NUP210: variants seen among roughly 807,000 people sequenced by gnomAD.
NUP210 encodes the protein nuclear pore membrane glycoprotein 210.
NUP210 carries 151 observed loss-of-function variants against 196.0 expected under a neutral mutation model. The ratio of observed to expected loss-of-function variants is 0.77; its 90% confidence interval spans 0.67 to 0.88. The LOEUF (loss-of-function observed/expected upper bound fraction) is 0.88, where lower values mean the gene tolerates loss of function less well. Among genes scored for constraint, NUP210 ranks in the 40% least tolerant of loss-of-function variants. NUP210 has a pLI of 0.00. For missense variants in NUP210, 2,314 were observed against 2,493.7 expected (o/e 0.93, Z 1.53); for synonymous variants, 1,070 against 1,052.7 (o/e 1.02, Z -0.32).
intron 18 of NUP210, among the ~76,000 whole-genome samples, chr3:13,352,944 G>A (rs1249299441): frequency 1.3e-5 from 2 of 152,036 alleles, no homozygotes; most frequent in Non-Finnish European, 2.9e-5. Flanking sequence ...GGACATCAGG[G>A]CAGGGAGGAA....
chr3:13,391,369 C>G, intron 3 of NUP210, 62 bp from the exon 4 acceptor site: 1 of 1,085,946 alleles, frequency 9.2e-7, no homozygotes, highest in Non-Finnish European at 1.4e-6. Flanking sequence ...TGGAGGGAGG[C>G]GTGATGGGAG....
chr3:13,360,212 G>A, intron 15 of NUP210, 58 bp downstream of exon 15: 1 of 1,385,358 alleles, frequency 7.2e-7, no homozygotes, highest in Non-Finnish European at 1.0e-6. Context: ...AATACTGAGA[G>A]AGTCATTTTC....
chr3:13,398,604 T>C (rs1160366326), intron 2 of NUP210, among the ~76,000 whole-genome samples: 2 of 152,200 alleles, frequency 1.3e-5, no homozygotes, highest in African/African-American at 4.8e-5. Flanking sequence ...AAGGGAATGC[T>C]TATAGGACAA....
rs562444296 is a variant in NUP210, at chr3:13,350,275, C to T, written c.2835+1604G>A. On this transcript the variant is annotated intron_variant, in intron 20 of 39. Transcript: ENST00000254508. The surrounding 1 kb of genome is among the most constrained non-coding windows in gnomAD (Gnocchi z 4.1). ...GCCTGTGTGTTTGTGTGTGTGTGCGCGTGTGTTTTTGTGTCTTCAGCAAAA... is the reference window on the plus strand; with the variant it reads ...GCCTGTGTGTTTGTGTGTGTGTGCGTGTGTGTTTTTGTGTCTTCAGCAAAA... Among the ~76,000 whole-genome samples, 6 of 151,654 alleles carry T rather than the reference C, an allele frequency of 4.0e-5. No individual in the cohort carries two copies. The highest frequency in any genetic ancestry group is 7.4e-5 in the Non-Finnish European group (5 of 67,970).
chr3:13,386,218 C>G, intron 6 of NUP210, 57 bp downstream of exon 6: 1 of 1,573,056 alleles, frequency 6.4e-7, no homozygotes, highest in Non-Finnish European at 8.6e-7. Flanking sequence ...TGTATGTAAC[C>G]ACAATAAAAA....
At chr3:13,334,839 G>T (rs928429808) in intron 28 of NUP210, among the ~76,000 whole-genome samples, 1 of 152,156 alleles carries the variant, frequency 6.6e-6, no homozygotes, top group Admixed American at 6.5e-5. Flanking sequence ...ACCACTAGAC[G>T]CAGTCCTGAC....
In NUP210 at chr3:13,316,949, C is replaced by A. The variant is rs1426668092; in HGVS notation, c.*732G>T. On this transcript the variant is annotated 3_prime_UTR_variant, in exon 40 of 40. Coordinates refer to ENST00000254508, the MANE Select transcript of NUP210 (RefSeq NM_024923.4). ...AGGGATCACACGTGGGATGTCCCAG[C>A]AGGGCCTAAGCCAAGTCCATCAGAT... The A allele has an allele frequency of 1.3e-5, 2 of 152,434 alleles. No homozygotes were observed. The highest frequency in any genetic ancestry group is 2.9e-5 in the Non-Finnish European group (2 of 68,192). 9.4% of individuals were successfully genotyped at this position (152,434 alleles called of 1,614,324 possible). A position where few individuals can be genotyped will look rare whatever the true frequency, so the allele number is the denominator to read the frequency against.
chr3:13,322,288 G>T lies in NUP210; in HGVS notation c.4820C>A (p.Thr1607Asn). 7 of 1,614,228 alleles carry T rather than the reference G, an allele frequency of 4.3e-6. No homozygotes were observed. Among genetic ancestry groups the T allele is most frequent in the Non-Finnish European group, 5.9e-6 (7 of 1,180,038 alleles). ...REVIQALHPETLISCQSQFKP... is the reference protein window; with the variant it reads ...REVIQALHPENLISCQSQFKP... The stretch of plus-strand genomic sequence containing the variant: ...GAACTGGGACTGGCAGCTGATGAGG[G>T]TCTCTGGGTGCAAGGCCTGGATGAC... The change falls in exon 35 of 40, where the codon ACC (threonine) becomes AAC (asparagine). Residue 1607 changes from threonine to asparagine, a missense_variant. Transcript: ENST00000254508.
intron 1 of NUP210, among the ~76,000 whole-genome samples, chr3:13,409,243 T>C (rs28399096): frequency 0.22 from 33,937 of 152,222 alleles, 5,975 homozygotes; most frequent in African/African-American, 0.49. Flanking sequence ...TGTGTCCTCC[T>C]GAAATCCAGA....
intron 1 of NUP210, among the ~76,000 whole-genome samples, chr3:13,413,511 T>C (rs1700247780): frequency 1.3e-5 from 2 of 151,586 alleles, no homozygotes; most frequent in Admixed American, 6.6e-5. Flanking sequence ...CCTTACACAC[T>C]AGTGTAAATA....
At chr3:13,367,684 T>C (rs1698588307) in intron 13 of NUP210, among the ~76,000 whole-genome samples, 1 of 152,210 alleles carries the variant, frequency 6.6e-6, no homozygotes, top group African/African-American at 2.4e-5. Flanking sequence ...CATAACTCTT[T>C]TGTGCCTGGC....
intron 6 of NUP210, among the ~76,000 whole-genome samples, chr3:13,380,842 C>G (rs1462790775): frequency 1.3e-5 from 2 of 152,146 alleles, no homozygotes; most frequent in African/African-American, 4.8e-5. Flanking sequence ...CTTGCCTGGC[C>G]CTTGTCCTGG....
At chr3:13,418,021 C>G (rs1434629177) in intron 1 of NUP210, among the ~76,000 whole-genome samples, 1 of 152,216 alleles carries the variant, frequency 6.6e-6, no homozygotes, top group East Asian at 1.9e-4. Flanking sequence ...TTGAAGCCAG[C>G]TGTTTTTAAT....
chr3:13,397,546 T>C (rs777795969), intron 2 of NUP210, 58 bp from the exon 3 acceptor site: 254 of 1,498,644 alleles, frequency 1.7e-4, no homozygotes, highest in East Asian at 1.1e-3. Context: ...CTGGCTCCAC[T>C]TCCAAGCCTT....
Position 13,335,616 on chromosome 3 carries a change from G to C in NUP210, c.3685-4C>G. 6.2e-7 allele frequency: 1 copy of C among 1,613,688 alleles called. No homozygotes were observed. The highest frequency in any genetic ancestry group is 8.5e-7 in the Non-Finnish European group (1 of 1,179,774). ...GTGACGGGAGTCGGATCGACGCCTG[G>C]GAAGACATCAAACACGTTTTCAGGG... On this transcript the variant is annotated splice_polypyrimidine_tract_variant and splice_region_variant and intron_variant, in intron 27 of 39. Coordinates refer to ENST00000254508, the MANE Select transcript of NUP210 (RefSeq NM_024923.4).
At position 13,391,239 on chromosome 3, in the gene NUP210, TGTCCGCCTCGGAGTCCTTCACAATC is replaced by T. The variant is rs776308698; in HGVS notation, c.480_504del (p.Ile161GlyfsTer43). On this transcript the variant is annotated frameshift_variant, in exon 4 of 40. Coordinates refer to ENST00000254508, the MANE Select transcript of NUP210 (RefSeq NM_024923.4). LOFTEE classifies it high-confidence loss of function. ...AGCGCATTGTGGGAGTCTGAGAACC[TGTCCGCCTCGGAGTCCTTCACAATC>T]GTCCACTCGAAGACCAGTCCAGCCA... The T allele has an allele frequency of 6.4e-5, 103 of 1,612,704 alleles. No individual in the cohort carries two copies. The highest frequency in any genetic ancestry group is 1.5e-5 in the Non-Finnish European group (18 of 1,179,494).
At chr3:13,372,813 A>G (rs1014718141) in intron 12 of NUP210, among the ~76,000 whole-genome samples, 1 of 152,186 alleles carries the variant, frequency 6.6e-6, no homozygotes, top group Non-Finnish European at 1.5e-5. Flanking sequence ...CCCGGAAGCC[A>G]GGTTCTACCC....
intron 14 of NUP210, among the ~76,000 whole-genome samples, chr3:13,361,151 C>T (rs976750190): frequency 6.6e-6 from 1 of 152,222 alleles, no homozygotes; most frequent in Non-Finnish European, 1.5e-5. Context: ...GGTCCATTCC[C>T]TTCCTTCTGA....
chr3:13,341,751 A>T lies in NUP210; in HGVS notation c.3225T>A (p.Ile1075=). 1 of 1,614,192 alleles carries T rather than the reference A, an allele frequency of 6.2e-7. No individual in the cohort carries two copies. The highest frequency in any genetic ancestry group is 8.5e-7 in the Non-Finnish European group (1 of 1,180,018). The stretch of plus-strand genomic sequence containing the variant: ...GTGTGGGAAGAACTCGTCTTACTTC[A>T]ATCTGTTGTGGGGCTGAGTTGATTC... ...GQRINSAPQQ[I]EVFPPFRLMP... Residue 1075 remains isoleucine (I), a synonymous_variant, in exon 23 of 40, where the codon ATT becomes ATA. Coordinates refer to ENST00000254508, the MANE Select transcript of NUP210 (RefSeq NM_024923.4).
Sources: allele counts gnomAD v4.1 joint callset (sites outside exome capture counted in the v4.1 genomes callset), GRCh38; gene constraint gnomAD v4.1.1; non-coding constraint Gnocchi (gnomAD v3.1); transcripts MANE v1.5; gene names NCBI Gene and HGNC (gene_info 2026-07-23, HGNC 2026-07-21).